Variants in ZNF333 observed in about 807,000 individuals in gnomAD.
The protein encoded by ZNF333 is zinc finger protein 333.
In ZNF333, 61 loss-of-function variants were observed where a neutral mutation model predicts 76.1. The ratio of observed to expected loss-of-function variants is 0.80; its 90% confidence interval spans 0.65 to 0.99. The LOEUF is 0.99. Among genes scored for constraint, ZNF333 ranks in the 50% least tolerant of loss-of-function variants. The pLI, the probability that ZNF333 is intolerant of heterozygous loss-of-function variation, is 0.00. For missense variants in ZNF333, 717 were observed against 822.4 expected (o/e 0.87, Z 1.57); for synonymous variants, 284 against 305.0 (o/e 0.93, Z 0.72).
At position 14,718,490 on chromosome 19, in the gene ZNF333, A is replaced by AT. The variant is rs1484709881; in HGVS notation, c.1164dup (p.Thr389TyrfsTer7). The stretch of plus-strand genomic sequence containing the variant: ...GACCTTATCAGGCATGAGAAGACTC[A>AT]TACTGCAGAGAAGTGCTTTGACTGT... On this transcript the variant is annotated frameshift_variant, in exon 12 of 12. Coordinates refer to ENST00000292530, the MANE Select transcript of ZNF333 (RefSeq NM_032433.4). LOFTEE classifies it high-confidence loss of function. 6.2e-7 allele frequency: 1 copy of AT among 1,614,120 alleles called. No homozygotes were observed. The highest frequency in any genetic ancestry group is 1.7e-5 in the Admixed American group (1 of 60,008).
Position 14,719,711 on chromosome 19 carries a change from AT to A in ZNF333, c.*389del. On this transcript the variant is annotated 3_prime_UTR_variant, in exon 12 of 12. Coordinates refer to ENST00000292530, the MANE Select transcript of ZNF333 (RefSeq NM_032433.4). ...GTTGCCTTTTTGTTGTTGGTTTCTA[AT>A]TTAATTACATGGTGAGAAGAGTATG... The A allele has an allele frequency of 9.9e-7, 1 of 1,007,568 alleles. No homozygotes were observed. Among genetic ancestry groups the A allele is most frequent in the Non-Finnish European group, 1.2e-6 (1 of 844,312 alleles). 62.4% of individuals were successfully genotyped at this position (1,007,568 alleles called of 1,614,324 possible). A position where few individuals can be genotyped will look rare whatever the true frequency, so the allele number is the denominator to read the frequency against.
chr19:14,693,675 C>T (rs2146946334), intron 2 of ZNF333, among the ~76,000 whole-genome samples, 181 bp downstream of exon 2: 1 of 152,314 alleles, frequency 6.6e-6, no homozygotes, highest in Middle Eastern at 3.4e-3. Flanking sequence ...TGCCTGACCT[C>T]TAGAGGTGGC....
chr19:14,695,630 A>G lies in ZNF333; in HGVS notation c.192A>G (p.Thr64=). 6.2e-7 allele frequency: 1 copy of G among 1,614,200 alleles called. No individual in the cohort carries two copies. Among genetic ancestry groups the G allele is most frequent in the African/African-American group, 1.3e-5 (1 of 75,056 alleles). Residue 64 remains threonine (T), a synonymous_variant, in exon 4 of 12, where the codon ACA becomes ACG. Transcript: ENST00000292530. ...GGCAAAGAGCAGAGCCAAAGGCAAC[A>G]GAACGAGGGATTCTCCGTGCCACAG... is the stretch of plus-strand genomic sequence containing the variant. ...QLGQRAEPKA[T]ERGILRATGV...
chr19:14,699,385 T>C (rs1973519826), intron 5 of ZNF333, 104 bp downstream of exon 5: 5 of 1,014,186 alleles, frequency 4.9e-6, no homozygotes, highest in Non-Finnish European at 7.7e-6. Context: ...GCAGCATGGG[T>C]GTCTCTTGGA....
intron 6 of ZNF333, among the ~76,000 whole-genome samples, chr19:14,705,584 A>G (rs2042086026): frequency 6.6e-6 from 1 of 152,170 alleles, no homozygotes; most frequent in Non-Finnish European, 1.5e-5. Context: ...TGTCCTTACC[A>G]AGGCAGAGAG....
chr19:14,705,665 C>G (rs1168661098), intron 6 of ZNF333, among the ~76,000 whole-genome samples: 1 of 152,224 alleles, frequency 6.6e-6, no homozygotes, highest in Non-Finnish European at 1.5e-5. Flanking sequence ...TAGCCCCTAG[C>G]TTGTTAGGAA....
chr19:14,703,366 T>G (rs1040500814), intron 5 of ZNF333, among the ~76,000 whole-genome samples: 3 of 152,024 alleles, frequency 2.0e-5, no homozygotes, highest in African/African-American at 7.2e-5. Context: ...GAGATTTGGG[T>G]GGGGACACAG....
chr19:14,698,566 C>T (rs1252901554), intron 4 of ZNF333, among the ~76,000 whole-genome samples: 1 of 148,548 alleles, frequency 6.7e-6, no homozygotes, highest in Non-Finnish European at 1.5e-5. Flanking sequence ...GTAAAGAAAA[C>T]ATGTGGCTCA....
chr19:14,724,697 C>T (rs550767901), downstream of ZNF333, among the ~76,000 whole-genome samples: 5 of 150,110 alleles, frequency 3.3e-5, no homozygotes, highest in African/African-American at 5.0e-5. Flanking sequence ...ACCCAGGAGG[C>T]GGAGGTTGCA....
rs28430828 is a variant in ZNF333 at position 14,717,791 on chromosome 19, C to T, written c.900+58C>T. The T allele has an allele frequency of 6.0e-3, 9,257 of 1,550,082 alleles. 439 individuals are homozygous for T. The African/African-American group carries it at 0.11, about 18-fold the overall frequency. On this transcript the variant is annotated intron_variant, in intron 11 of 11. Coordinates refer to ENST00000292530, the MANE Select transcript of ZNF333 (RefSeq NM_032433.4). ...TATAGTAGGATGAGTCTGGGGTTAA[C>T]CGTAAGTTAGAAAAGCAGCCCAAGA...
intron 9 of ZNF333, 121 bp downstream of exon 9, chr19:14,716,359 G>C: frequency 8.4e-7 from 1 of 1,188,246 alleles, no homozygotes; most frequent in Non-Finnish European, 1.2e-6. Flanking sequence ...CCTGGGCTCA[G>C]GTGATCCTCC....
At position 14,716,199 on chromosome 19, in the gene ZNF333, G is replaced by A. The variant is rs151325132; in HGVS notation, c.688G>A (p.Asp230Asn). 1.2e-3 allele frequency: 1,880 copies of A among 1,614,142 alleles called. 9 individuals carry two copies. Among genetic ancestry groups the A allele is most frequent in the Middle Eastern group, 3.1e-3 (19 of 6,062 alleles). ...LDSTQRSLYR[D>N]VMLENYRNLA... Reference sequence around the variant, plus strand: ...CTCTACTCAGAGGAGCCTGTATAGAGATGTGATGCTGGAGAACTACAGGAA... The same window carrying A: ...CTCTACTCAGAGGAGCCTGTATAGAAATGTGATGCTGGAGAACTACAGGAA... Residue 230 changes from aspartate to asparagine, a missense_variant, in exon 9 of 12, where the codon GAT (aspartate) becomes AAT (asparagine). Asp to Asn is a conservative substitution (Grantham distance 23). Coordinates refer to ENST00000292530, the MANE Select transcript of ZNF333 (RefSeq NM_032433.4).
At chr19:14,711,490 C>T (rs890293134) in intron 7 of ZNF333, among the ~76,000 whole-genome samples, 1 of 151,906 alleles carries the variant, frequency 6.6e-6, no homozygotes, top group Non-Finnish European at 1.5e-5. Context: ...GGCAACATAG[C>T]GAGACCCCAT....
downstream of ZNF333, among the ~76,000 whole-genome samples, chr19:14,724,035 C>T (rs1427144053): frequency 1.3e-5 from 2 of 152,154 alleles, no homozygotes; most frequent in Admixed American, 1.3e-4. Flanking sequence ...ATGCTCTTGC[C>T]TATCTCTTCA....
chr19:14,706,473 G>A (rs1440153498), intron 6 of ZNF333: 8 of 556,924 alleles, frequency 1.4e-5, no homozygotes, highest in Non-Finnish European at 2.6e-5. Context: ...GCCCCTGCCT[G>A]GGTGCCCTCT....
At chr19:14,697,357 CTT>C (rs139125023) in intron 4 of ZNF333, among the ~76,000 whole-genome samples, 186 of 90,788 alleles carry the variant, frequency 2.0e-3, no homozygotes, top group African/African-American at 7.7e-3. Context: ...TTTTTCTTTT[CTT>C]TTTTTTTTTT....
chr19:14,718,496 C>T lies in ZNF333; in HGVS notation c.1169C>T (p.Ala390Val). 6.2e-7 allele frequency: 1 copy of T among 1,614,206 alleles called. No individual in the cohort carries two copies. The highest frequency in any genetic ancestry group is 8.5e-7 in the Non-Finnish European group (1 of 1,180,028). Residue 390 changes from alanine (A) to valine (V), a missense_variant, in exon 12 of 12, where the codon GCA becomes GTA. Ala to Val is a moderately conservative substitution (Grantham distance 64). Coordinates refer to ENST00000292530, the MANE Select transcript of ZNF333 (RefSeq NM_032433.4). ...DLIRHEKTHT[A>V]EKCFDCQECG... Reference sequence around the variant, plus strand: ...ATCAGGCATGAGAAGACTCATACTGCAGAGAAGTGCTTTGACTGTCAAGAA... The same window carrying T: ...ATCAGGCATGAGAAGACTCATACTGTAGAGAAGTGCTTTGACTGTCAAGAA...
intron 11 of ZNF333, among the ~76,000 whole-genome samples, chr19:14,730,450 C>CCTTCCTTCTTTCCTTCCTT (rs2042660685): frequency 6.6e-6 from 1 of 150,766 alleles, no homozygotes; most frequent in Non-Finnish European, 1.5e-5. Context: ...TTTCCTTCCT[C>CCTTCCTTCTTTCCTTCCTT]CCTTCCTCTC....
Position 14,720,979 on chromosome 19 carries a change from CT to C in ZNF333, c.*1656del. 2 of 907,148 alleles carry C rather than the reference CT, an allele frequency of 2.2e-6. No individual in the cohort carries two copies. Among genetic ancestry groups the C allele is most frequent in the Non-Finnish European group, 2.6e-6 (2 of 758,910 alleles). The allele number at this position is 907,148 out of a possible 1,614,324, so 56.2% of individuals were successfully genotyped here. On this transcript the variant is annotated 3_prime_UTR_variant, in exon 12 of 12. Transcript: ENST00000292530. ...TTTCCAACAAATTGTTACTTTTATT[CT>C]TATAAAGTGATCATCCTTTTCCCTA...
Sources: gnomAD v4.1 joint callset for allele counts (sites outside exome capture counted in the v4.1 genomes callset) on GRCh38, gnomAD v4.1.1 for gene constraint, MANE v1.5 for transcripts, NCBI Gene and HGNC (gene_info 2026-07-23, HGNC 2026-07-21) for gene names.